The following STAG1 variants were observed in gnomAD, a reference collection of about 807,000 sequenced individuals.
STAG1 encodes the protein STAG1 cohesin complex component, also known as cohesin subunit SA-1.
A neutral mutation model predicts 170.9 loss-of-function variants in STAG1; 26 were observed. The observed-to-expected ratio is 0.15, with a 90% CI of 0.11 to 0.21. STAG1 has a LOEUF of 0.21. Among genes scored for constraint, STAG1 ranks in the 10% least tolerant of loss-of-function variants. STAG1 has a pLI of 1.00. For synonymous variants in STAG1, 514 were observed against 497.7 expected (o/e 1.03, Z -0.44); for missense variants, 964 against 1,509.5 (o/e 0.64, Z 5.99).
intron 13 of STAG1, among the ~76,000 whole-genome samples, chr3:136,459,533 A>C (rs2089217199): frequency 1.3e-5 from 2 of 152,218 alleles, no homozygotes; most frequent in Admixed American, 1.3e-4. Flanking sequence ...CCTAACATAC[A>C]TTTACAGAAC....
rs529990350 is a variant in STAG1, at chr3:136,560,949, T to G, written c.394+7816A>C. ...GTGGGGACGGGGCGAATTGTGATTT[T>G]TTTTTTTCCTGCCTTTCCTTGCTCT... On this transcript the variant is annotated intron_variant, in intron 5 of 33. Coordinates refer to ENST00000383202, the MANE Select transcript of STAG1 (RefSeq NM_005862.3). Among the ~76,000 whole-genome samples, 4 of 152,222 alleles carry G rather than the reference T, an allele frequency of 2.6e-5. No individual in the cohort carries two copies. The South Asian group carries it at 8.3e-4, about 32-fold the overall frequency.
intron 23 of STAG1, among the ~76,000 whole-genome samples, chr3:136,375,077 C>T (rs982662490): frequency 6.6e-6 from 1 of 152,126 alleles, no homozygotes; most frequent in African/African-American, 2.4e-5. Context: ...GTAGGCAATA[C>T]CATTTGTTTG....
intron 2 of STAG1, among the ~76,000 whole-genome samples, chr3:136,626,224 G>A (rs939660201): frequency 2.0e-5 from 3 of 152,066 alleles, no homozygotes; most frequent in Admixed American, 1.3e-4. Flanking sequence ...TCAGAAGTTC[G>A]AGACCTACCT....
At chr3:136,716,638 C>T (rs1364878677) in intron 1 of STAG1, among the ~76,000 whole-genome samples, 1 of 152,178 alleles carries the variant, frequency 6.6e-6, no homozygotes, top group Admixed American at 6.5e-5. Flanking sequence ...TAAAGTGAGA[C>T]CCTGTCTCTT....
At chr3:136,611,685 T>G (rs28853382) in intron 3 of STAG1, among the ~76,000 whole-genome samples, 14,540 of 120,236 alleles carry the variant, frequency 0.12, 1,339 homozygotes, top group Non-Finnish European at 0.19. Flanking sequence ...TTTTTTTTTT[T>G]GGTACAGATG....
At chr3:136,537,498 T>A (rs569326336) in intron 6 of STAG1, among the ~76,000 whole-genome samples, 18 of 142,846 alleles carry the variant, frequency 1.3e-4, no homozygotes, top group Non-Finnish European at 9.4e-5. Context: ...TTGTTTATTT[T>A]TTTTTTGTTT....
intron 1 of STAG1, among the ~76,000 whole-genome samples, chr3:136,698,045 C>G (rs1198552351): frequency 6.6e-6 from 1 of 151,734 alleles, no homozygotes; most frequent in Non-Finnish European, 1.5e-5. Flanking sequence ...GAAAGAAAAT[C>G]TAAGACCTGA....
rs144100403 is a variant in STAG1 at position 136,510,035 on chromosome 3, A to C, written c.677-7256T>G. Among the ~76,000 whole-genome samples, 783 of 152,344 alleles carry C rather than the reference A, an allele frequency of 5.1e-3. 6 individuals carry two copies. The highest frequency in any genetic ancestry group is 7.3e-3 in the Non-Finnish European group (499 of 68,028). ...TGACATAGATTTAACAAATCCATTT[A>C]TCTCTTAAAAAACAATTTTTCTGGA... On this transcript the variant is annotated intron_variant, in intron 7 of 33. Transcript: ENST00000383202.
At chr3:136,384,906 CTG>C (rs2086829092) in intron 22 of STAG1, among the ~76,000 whole-genome samples, 3 of 152,100 alleles carry the variant, frequency 2.0e-5, no homozygotes, top group Non-Finnish European at 4.4e-5. Context: ...ATTATACAGA[CTG>C]TCATTTTAAG....
chr3:136,461,576 C>G (rs564470006), intron 13 of STAG1, among the ~76,000 whole-genome samples: 1 of 145,018 alleles, frequency 6.9e-6, no homozygotes, highest in Non-Finnish European at 1.5e-5. Context: ...CATTAACTAG[C>G]AAGACTCCGT....
chr3:136,641,725 G>T (rs1940805660), intron 1 of STAG1, among the ~76,000 whole-genome samples: 1 of 152,174 alleles, frequency 6.6e-6, no homozygotes, highest in Non-Finnish European at 1.5e-5. Context: ...ACCAGAAAGA[G>T]GACTTTAGTA....
intron 28 of STAG1, among the ~76,000 whole-genome samples, chr3:136,350,604 G>A (rs1936399339): frequency 1.3e-5 from 2 of 152,144 alleles, no homozygotes; most frequent in Non-Finnish European, 2.9e-5. Context: ...AGCCAGAGGT[G>A]TTATTCTGGG....
At chr3:136,708,972 T>C (rs1298184520) in intron 1 of STAG1, among the ~76,000 whole-genome samples, 1 of 94,288 alleles carries the variant, frequency 1.1e-5, no homozygotes, top group African/African-American at 3.3e-5. Flanking sequence ...GCTGGCTTTT[T>C]TTTTTTTTTT....
chr3:136,417,717 T>C, intron 21 of STAG1, 168 bp downstream of exon 21: 2 of 604,030 alleles, frequency 3.3e-6, no homozygotes, highest in South Asian at 2.0e-5. Context: ...TAAGCCAGTA[T>C]AATACACCTA....
intron 1 of STAG1, among the ~76,000 whole-genome samples, chr3:136,701,010 T>C (rs1943042064): frequency 6.7e-6 from 1 of 150,174 alleles, no homozygotes; most frequent in African/African-American, 2.5e-5. Context: ...GCCTCCCGAG[T>C]AGCTGGAACA....
intron 10 of STAG1, 90 bp from the exon 11 acceptor site, chr3:136,473,727 C>A: frequency 1.1e-6 from 1 of 903,188 alleles, no homozygotes; most frequent in African/African-American, 1.7e-5. Context: ...TTAGCTTAAA[C>A]ATTTGACTTA....
chr3:136,568,878 T>G lies in STAG1; in HGVS notation c.298-17A>C. The G allele has an allele frequency of 6.4e-7, 1 of 1,573,626 alleles. No individual in the cohort carries two copies. The highest frequency in any genetic ancestry group is 8.6e-7 in the Non-Finnish European group (1 of 1,158,152). On this transcript the variant is annotated splice_polypyrimidine_tract_variant and intron_variant, in intron 4 of 33. Transcript: ENST00000383202. ...CACCACGGACTGTGGAAAAAAAATA[T>G]AAAAATGAAAACTTCAAAAAAATTT...
chr3:136,623,827 T>C (rs1041793428), intron 2 of STAG1, among the ~76,000 whole-genome samples: 6 of 151,958 alleles, frequency 3.9e-5, no homozygotes. Context: ...TGGTGGCGCA[T>C]GCCTGTAATC....
intron 12 of STAG1, among the ~76,000 whole-genome samples, chr3:136,469,123 G>A (rs1353180218): frequency 3.9e-5 from 6 of 152,118 alleles, no homozygotes; most frequent in Non-Finnish European, 8.8e-5. Context: ...CATAGTGTTG[G>A]AAGTTCTGGC....
Sources: allele counts gnomAD v4.1 joint callset (sites outside exome capture counted in the v4.1 genomes callset), GRCh38; gene constraint gnomAD v4.1.1; transcripts MANE v1.5; gene names NCBI Gene and HGNC (gene_info 2026-07-23, HGNC 2026-07-21).